Variants in ROBO1 observed in about 807,000 individuals in gnomAD.
ROBO1 encodes the protein roundabout guidance receptor 1, also known as roundabout homolog 1.
A neutral mutation model predicts 195.9 loss-of-function variants in ROBO1; 149 were observed. That is an observed-to-expected ratio of 0.76 (90% CI 0.67 to 0.87). The LOEUF is 0.87. ROBO1 is among the 40% of genes least tolerant of loss of function. The pLI, the probability that ROBO1 is intolerant of heterozygous loss-of-function variation, is 0.00. For synonymous variants in ROBO1, 816 were observed against 733.2 expected (o/e 1.11, Z -1.82); for missense variants, 1,933 against 2,068.3 (o/e 0.93, Z 1.27).
chr3:79,603,581 C>G (rs987619222), intron 1 of ROBO1, among the ~76,000 whole-genome samples: 1 of 151,874 alleles, frequency 6.6e-6, no homozygotes, highest in South Asian at 2.1e-4. Context: ...AACCCTAGGA[C>G]GGGAATCCCT....
rs183918247 is a variant in ROBO1 at position 79,697,847 on chromosome 3, G to T, written c.-51+69905C>A. Among the ~76,000 whole-genome samples the T allele has an allele frequency of 3.0e-3, 452 of 151,254 alleles. 6 individuals are homozygous for T. The highest frequency in any genetic ancestry group is 2.2e-3 in the Non-Finnish European group (147 of 67,460). ...ATTCTGCCCAATTTTGTTCAGTGAGGTCTCATAGCAAGTATGGCCACCATT... is the reference window on the plus strand; with the variant it reads ...ATTCTGCCCAATTTTGTTCAGTGAGTTCTCATAGCAAGTATGGCCACCATT... On this transcript the variant is annotated intron_variant, in intron 1 of 30. Transcript: ENST00000464233.
chr3:79,424,600 T>C (rs2038368626), intron 2 of ROBO1, among the ~76,000 whole-genome samples: 1 of 152,128 alleles, frequency 6.6e-6, no homozygotes, highest in Admixed American at 6.6e-5. Flanking sequence ...CCGTTTCTCA[T>C]GGAGCTTACA....
intron 4 of ROBO1, among the ~76,000 whole-genome samples, chr3:78,927,982 A>T (rs2039310019): frequency 6.6e-6 from 1 of 152,180 alleles, no homozygotes; most frequent in Non-Finnish European, 1.5e-5. Flanking sequence ...ACTCACACAT[A>T]CTGCCTGCTG....
intron 4 of ROBO1, among the ~76,000 whole-genome samples, chr3:78,774,005 C>A (rs761757969): frequency 1.9e-4 from 29 of 152,270 alleles, no homozygotes; most frequent in Non-Finnish European, 3.4e-4. Flanking sequence ...CTAATTTAAT[C>A]CATGAAACAA....
chr3:79,406,612 G>T (rs2037561150), intron 2 of ROBO1, among the ~76,000 whole-genome samples: 1 of 151,582 alleles, frequency 6.6e-6, no homozygotes, highest in African/African-American at 2.4e-5. Context: ...TGGGGGTGTT[G>T]GTAGTGGCTA....
At chr3:79,036,463 T>C (rs1576596362) in intron 3 of ROBO1, among the ~76,000 whole-genome samples, 1 of 152,328 alleles carries the variant, frequency 6.6e-6, no homozygotes, top group Middle Eastern at 3.4e-3. Flanking sequence ...GCCTTTCATA[T>C]ATAAACATCT....
chr3:79,223,820 G>A (rs1348645872), intron 2 of ROBO1, among the ~76,000 whole-genome samples: 1 of 152,168 alleles, frequency 6.6e-6, no homozygotes, highest in Non-Finnish European at 1.5e-5. Context: ...TTTAATGTCA[G>A]TCGGTCTTAC....
At chr3:79,642,849 C>T (rs1448657813) in intron 1 of ROBO1, among the ~76,000 whole-genome samples, 1 of 152,078 alleles carries the variant, frequency 6.6e-6, no homozygotes, top group African/African-American at 2.4e-5. Context: ...GAATTAAGTA[C>T]CTGGACAAAC....
chr3:79,636,378 A>G (rs1388697813), intron 1 of ROBO1, among the ~76,000 whole-genome samples: 1 of 152,140 alleles, frequency 6.6e-6, no homozygotes, highest in East Asian at 1.9e-4. Context: ...GAAGCTGGAA[A>G]AAACTTGCAT....
At chr3:79,446,280 C>T (rs913999848) in intron 2 of ROBO1, among the ~76,000 whole-genome samples, 2 of 151,992 alleles carry the variant, frequency 1.3e-5, no homozygotes, top group Non-Finnish European at 2.9e-5. Flanking sequence ...TATTCAAATC[C>T]GCAGATCCTC....
intron 2 of ROBO1, among the ~76,000 whole-genome samples, chr3:79,268,341 A>G (rs1010293236): frequency 6.6e-6 from 1 of 151,698 alleles, no homozygotes. Flanking sequence ...TGTACTATAA[A>G]TGATATTTAA....
chr3:78,780,433 T>A (rs2083641548), intron 4 of ROBO1, among the ~76,000 whole-genome samples: 1 of 152,160 alleles, frequency 6.6e-6, no homozygotes, highest in South Asian at 2.1e-4. Flanking sequence ...TGATTTTGCA[T>A]GGCGCCATTT....
Position 79,086,125 on chromosome 3 carries a change from T to G in ROBO1, c.172+39331A>C, listed in dbSNP as rs62259663. 5.3e-5 allele frequency among the ~76,000 whole-genome samples: 8 copies of G among 151,592 alleles called. No individual in the cohort carries two copies. The East Asian group carries it at 1.6e-3, about 29-fold the overall frequency. Reference sequence around the variant, plus strand: ...TTAACAAATGGAGTTTTTTTTTTTTTAGGTGTTATGTGGAATTTTATCTAG... The same window carrying G: ...TTAACAAATGGAGTTTTTTTTTTTTGAGGTGTTATGTGGAATTTTATCTAG... On this transcript the variant is annotated intron_variant, in intron 3 of 30. Coordinates refer to ENST00000464233, the MANE Select transcript of ROBO1 (RefSeq NM_002941.4).
At chr3:78,821,228 C>T (rs1287602790) in intron 4 of ROBO1, among the ~76,000 whole-genome samples, 3 of 141,366 alleles carry the variant, frequency 2.1e-5, no homozygotes, top group Non-Finnish European at 4.5e-5. Context: ...TACAGTGGTG[C>T]GATCTCGTCT....
chr3:78,662,118 C>T lies in ROBO1; in HGVS notation c.1967-4G>A, dbSNP rs565551616. 2 of 1,554,278 alleles carry T rather than the reference C, an allele frequency of 1.3e-6. No homozygotes were observed. Among genetic ancestry groups the T allele is most frequent in the East Asian group, 4.8e-5 (2 of 41,420 alleles). On this transcript the variant is annotated splice_region_variant and splice_polypyrimidine_tract_variant and intron_variant, in intron 14 of 30. Transcript: ENST00000464233. The stretch of plus-strand genomic sequence containing the variant: ...CCCTGACTTGTTGGTAGGACATCTA[C>T]AACAAGTCAAGAAAACTGTGTCAGG...
rs995999656 is a variant in ROBO1, at chr3:78,717,377, G to T, written c.815C>A (p.Ala272Glu). The T allele has an allele frequency of 1.2e-6, 2 of 1,612,668 alleles. No homozygotes were observed. The highest frequency in any genetic ancestry group is 2.2e-5 in the South Asian group (2 of 91,038). ...TTCTGCACTGTCATCCACAGTTACT[G>T]CCAAGTTACTGGGTCTCTTCACAAA... ...PSFVKRPSNL[A>E]VTVDDSAEFK... Residue 272 changes from alanine (A) to glutamate (E), a missense_variant, in exon 7 of 31, where the codon GCA becomes GAA. Ala to Glu is a moderately radical substitution (Grantham distance 107). Transcript: ENST00000464233.
intron 1 of ROBO1, among the ~76,000 whole-genome samples, chr3:79,688,414 C>T (rs558671122): frequency 2.0e-5 from 3 of 152,166 alleles, no homozygotes; most frequent in Admixed American, 1.3e-4. Context: ...TCAGCCATTG[C>T]TCTTAAACAC....
chr3:79,623,101 A>G (rs1205670108), intron 1 of ROBO1, among the ~76,000 whole-genome samples: 5 of 151,964 alleles, frequency 3.3e-5, no homozygotes, highest in African/African-American at 1.2e-4. Context: ...CCATTGAAAG[A>G]AAAACGAACC....
intron 4 of ROBO1, among the ~76,000 whole-genome samples, chr3:78,836,946 A>T (rs996925789): frequency 5.6e-4 from 86 of 152,308 alleles, no homozygotes; most frequent in African/African-American, 1.9e-3. Flanking sequence ...TATCACATCC[A>T]TACAACTTTC....
Sources: allele counts gnomAD v4.1 joint callset (sites outside exome capture counted in the v4.1 genomes callset), GRCh38; gene constraint gnomAD v4.1.1; transcripts MANE v1.5; gene names NCBI Gene and HGNC (gene_info 2026-07-23, HGNC 2026-07-21).